The following MAP2K3 variants were observed in gnomAD, a reference collection of about 807,000 sequenced individuals.
MAP2K3 encodes mitogen-activated protein kinase kinase 3, also known as dual specificity mitogen-activated protein kinase kinase 3.
Under a neutral mutation model 46.4 loss-of-function variants are expected in MAP2K3, and 30 were observed. The ratio of observed to expected loss-of-function variants is 0.65; its 90% CI spans 0.48 to 0.88. The LOEUF is 0.88. Ranked by LOEUF, MAP2K3 falls within the 40% of genes least tolerant of loss-of-function variation. MAP2K3 has a pLI of 0.00. For synonymous variants in MAP2K3, 189 were observed against 176.3 expected (o/e 1.07, Z -0.57); for missense variants, 380 against 464.5 (o/e 0.82, Z 1.67).
chr17:21,308,089 C>G (rs1203800627), intron 9 of MAP2K3, among the ~76,000 whole-genome samples: 3 of 150,702 alleles, frequency 2.0e-5, no homozygotes, highest in Non-Finnish European at 4.4e-5. Flanking sequence ...CTCCTGACCT[C>G]AGGTGATCTG....
chr17:21,288,146 C>A, intron 1 of MAP2K3: 2 of 1,258,190 alleles, frequency 1.6e-6, no homozygotes, highest in Non-Finnish European at 2.1e-6. Flanking sequence ...CAGCCGGCTG[C>A]CTACAGCTTA....
chr17:21,298,252 C>A (rs1041717006), intron 1 of MAP2K3, 161 bp from the exon 2 acceptor site: 2 of 1,044,168 alleles, frequency 1.9e-6, no homozygotes, highest in Non-Finnish European at 3.0e-6. Flanking sequence ...CCTCCTTCCC[C>A]CTTTGAAGGC....
At chr17:21,295,610 G>A (rs1232318376) in intron 1 of MAP2K3, 1 of 1,285,936 alleles carries the variant, frequency 7.8e-7, no homozygotes, top group Non-Finnish European at 1.0e-6. Context: ...CACTCCCTCT[G>A]ACAGCTGGGT....
At chr17:21,285,240 T>G in intron 1 of MAP2K3, 1 of 985,244 alleles carries the variant, frequency 1.0e-6, no homozygotes, top group Non-Finnish European at 1.2e-6. Context: ...CCCATCCAAG[T>G]CAGGAGCCTC....
chr17:21,296,369 G>C (rs917990063), intron 1 of MAP2K3, among the ~76,000 whole-genome samples: 3 of 152,312 alleles, frequency 2.0e-5, no homozygotes, highest in Non-Finnish European at 4.4e-5. Context: ...AGGCAGGATA[G>C]AAGTGGCCTC....
At position 21,300,718 on chromosome 17, in the gene MAP2K3, C is replaced by T. The variant is rs1023017873; in HGVS notation, c.279+60C>T. On this transcript the variant is annotated intron_variant, in intron 4 of 11. Transcript: ENST00000342679. ...CTGGAGGAGGCGGGCTGAGCTCTGC[C>T]ATGGGGCCCTGCCTATCCCTCTCAG... 5.0e-6 allele frequency: 8 copies of T among 1,595,600 alleles called. No homozygotes were observed. In the African/African-American group the frequency reaches 5.4e-5, roughly 11 times the overall value.
At position 21,302,129 on chromosome 17, in the gene MAP2K3, G is replaced by A. The variant is rs971130664; in HGVS notation, c.400-14G>A. The A allele has an allele frequency of 1.9e-5, 31 of 1,613,992 alleles. No homozygotes were observed. The highest frequency in any genetic ancestry group is 1.2e-4 in the African/African-American group (9 of 74,968). The stretch of plus-strand genomic sequence containing the variant: ...AGCCCGGCAGCCTGGCTGAGCTCTG[G>A]GTGTCACCCACAGGGAGACGTGTGG... On this transcript the variant is annotated splice_polypyrimidine_tract_variant and intron_variant, in intron 5 of 11. Coordinates refer to ENST00000342679, the MANE Select transcript of MAP2K3 (RefSeq NM_145109.3).
At chr17:21,310,232 C>T (rs539445879) in intron 9 of MAP2K3, among the ~76,000 whole-genome samples, 3 of 151,950 alleles carry the variant, frequency 2.0e-5, no homozygotes, top group Non-Finnish European at 1.5e-5. Context: ...TGGTCTCGAA[C>T]CCCCGACCTC....
rs892549610 is a variant in MAP2K3 at position 21,284,784 on chromosome 17, C to T, written c.-137C>T. The T allele has an allele frequency of 8.3e-6, 8 of 965,684 alleles. No homozygotes were observed. The highest frequency in any genetic ancestry group is 1.8e-5 in the African/African-American group (1 of 56,404). 59.8% of individuals were successfully genotyped at this position (965,684 alleles called of 1,614,324 possible). A position where few individuals can be genotyped will look rare whatever the true frequency, so the allele number is the denominator to read the frequency against. On this transcript the variant is annotated 5_prime_UTR_variant, in exon 1 of 12. Coordinates refer to ENST00000342679, the MANE Select transcript of MAP2K3 (RefSeq NM_145109.3). ...CCGCCGCAGTCCTCGCCGCAGTCGCCGCCGCCGCCGCCGCCGCCGCCGCTG... is the reference window on the plus strand; with the variant it reads ...CCGCCGCAGTCCTCGCCGCAGTCGCTGCCGCCGCCGCCGCCGCCGCCGCTG...
intron 1 of MAP2K3, among the ~76,000 whole-genome samples, chr17:21,290,487 A>C: frequency 6.6e-6 from 1 of 152,308 alleles, no homozygotes; most frequent in Non-Finnish European, 1.5e-5. Context: ...TCCAGGTGGC[A>C]GGGCTGGTTC....
intron 3 of MAP2K3, 85 bp downstream of exon 3, chr17:21,299,011 G>T: frequency 6.3e-7 from 1 of 1,578,226 alleles, no homozygotes; most frequent in Non-Finnish European, 8.7e-7. Context: ...ACTTTGGGGG[G>T]AGGTGACTGA....
chr17:21,285,317 C>T, intron 1 of MAP2K3: 1 of 984,534 alleles, frequency 1.0e-6, no homozygotes, highest in Non-Finnish European at 1.2e-6. Flanking sequence ...TCTCCCTCAG[C>T]GGGACCCAGG....
intron 1 of MAP2K3, chr17:21,288,207 G>T: frequency 1.3e-6 from 1 of 778,724 alleles, no homozygotes; most frequent in Non-Finnish European, 1.8e-6. Context: ...TACGTGTCCT[G>T]CAGGTGGCAC....
chr17:21,306,285 A>G (rs1436500051), intron 9 of MAP2K3, among the ~76,000 whole-genome samples: 2 of 152,246 alleles, frequency 1.3e-5, no homozygotes, highest in Admixed American at 6.5e-5. Flanking sequence ...ATAATTTCCT[A>G]GAATGGCTCA....
chr17:21,301,796 C>G (rs769502554), intron 5 of MAP2K3, among the ~76,000 whole-genome samples: 1 of 152,308 alleles, frequency 6.6e-6, no homozygotes, highest in Non-Finnish European at 1.5e-5. Context: ...GGGTGTCTGT[C>G]GGTCAGCAGG....
intron 1 of MAP2K3, among the ~76,000 whole-genome samples, chr17:21,287,166 AC>A (rs565229479): frequency 1.4e-3 from 210 of 151,844 alleles, no homozygotes; most frequent in African/African-American, 4.7e-3. Flanking sequence ...GGGTGCCCCC[AC>A]CCCTGGCCTT....
At chr17:21,296,059 G>C (rs1322060649) in intron 1 of MAP2K3, 2 of 1,289,300 alleles carry the variant, frequency 1.6e-6, no homozygotes, top group Admixed American at 4.6e-5. Flanking sequence ...TCATTACTTA[G>C]GGCAGTTTTT....
chr17:21,302,494 G>C (rs1345519747), intron 6 of MAP2K3, among the ~76,000 whole-genome samples: 2 of 152,312 alleles, frequency 1.3e-5, no homozygotes, highest in South Asian at 2.1e-4. Context: ...AGATTTGGCA[G>C]ATCCAGGTGT....
In MAP2K3 at chr17:21,302,177, C is replaced by T. The variant is rs1189011101; in HGVS notation, c.434C>T (p.Thr145Ile). The T allele has an allele frequency of 5.6e-6, 9 of 1,614,078 alleles. No homozygotes were observed. The highest frequency in any genetic ancestry group is 2.2e-5 in the East Asian group (1 of 44,898). The change falls in exon 6 of 12, where the codon ACA (threonine) becomes ATA (isoleucine). Residue 145 changes from threonine to isoleucine, a missense_variant. Thr to Ile is a moderately conservative substitution (Grantham distance 89). Coordinates refer to ENST00000342679, the MANE Select transcript of MAP2K3 (RefSeq NM_145109.3). ...DVWICMELMD[T>I]SLDKFYRKVL... ...TGGATCTGCATGGAGCTCATGGACA[C>T]ATCCTTGGACAAGTTCTACCGGAAG... is the stretch of plus-strand genomic sequence containing the variant.
Sources: gnomAD v4.1 joint callset for allele counts (sites outside exome capture counted in the v4.1 genomes callset) on GRCh38, gnomAD v4.1.1 for gene constraint, MANE v1.5 for transcripts, NCBI Gene and HGNC (gene_info 2026-07-23, HGNC 2026-07-21) for gene names.